The following EPHA5 variants were observed in gnomAD, a reference collection of about 807,000 sequenced individuals.
EPHA5 encodes ephrin type-A receptor 5.
A neutral mutation model predicts 105.0 loss-of-function variants in EPHA5; 60 were observed. The observed-to-expected ratio is 0.57, with a 90% CI of 0.46 to 0.71. The LOEUF (loss-of-function observed/expected upper bound fraction) is 0.71, where lower values mean the gene tolerates loss of function less well. EPHA5 is among the 30% of genes least tolerant of loss of function. The pLI is 0.00. For synonymous variants in EPHA5, 513 were observed against 449.1 expected (o/e 1.14, Z -1.80); for missense variants, 1,218 against 1,274.7 (o/e 0.96, Z 0.68).
At chr4:65,647,706 C>G (rs1748246505) in intron 1 of EPHA5, among the ~76,000 whole-genome samples, 1 of 152,020 alleles carries the variant, frequency 6.6e-6, no homozygotes, top group South Asian at 2.1e-4. Flanking sequence ...AAAATACAGT[C>G]ATACCATTCA....
chr4:65,465,485 AAG>A (rs1186001854), intron 5 of EPHA5, among the ~76,000 whole-genome samples: 6 of 111,330 alleles, frequency 5.4e-5, no homozygotes, highest in African/African-American at 1.3e-4. Flanking sequence ...GAAAGAAAGA[AAG>A]AAAGAAAGAA....
intron 16 of EPHA5, 76 bp from the exon 17 acceptor site, chr4:65,324,295 G>A: frequency 1.0e-6 from 1 of 977,936 alleles, no homozygotes; most frequent in Non-Finnish European, 1.6e-6. Context: ...TGGCAAAGGG[G>A]CAAACATAGT....
In EPHA5 at chr4:65,669,735, C is replaced by T. The variant is rs764460627; in HGVS notation, c.8G>A (p.Gly3Asp). MR[G>D]SGPRGAGRRR... ...GCGTCCCGCACCCCGGGGCCCCGAG[C>T]CCCGCATCTTCTCCGAGCCTCCTCC... The change falls in exon 1 of 17, where the codon GGC (glycine) becomes GAC (aspartate). Residue 3 changes from glycine (G) to aspartate (D), a missense_variant. This residue lies in a region of EPHA5 where 233 missense variants were observed against 227.5 expected (regional missense o/e 1.02). Coordinates refer to ENST00000613740, the MANE Select transcript of EPHA5 (RefSeq NM_001281766.3). 4.8e-6 allele frequency: 6 copies of T among 1,260,976 alleles called. No individual in the cohort carries two copies. The highest frequency in any genetic ancestry group is 6.0e-6 in the Non-Finnish European group (6 of 1,001,986). The allele number at this position is 1,260,976 out of a possible 1,614,324, so 78.1% of individuals were successfully genotyped here.
intron 2 of EPHA5, among the ~76,000 whole-genome samples, chr4:65,629,800 G>T (rs748664816): frequency 7.2e-5 from 11 of 152,064 alleles, no homozygotes; most frequent in Non-Finnish European, 1.3e-4. Context: ...CCCCTACCCA[G>T]CTAGAGCTGT....
chr4:65,669,539 G>T (rs762971646), intron 1 of EPHA5, 23 bp downstream of exon 1: 2 of 1,360,304 alleles, frequency 1.5e-6, no homozygotes, highest in East Asian at 2.8e-5. Flanking sequence ...AGGTCGCCAC[G>T]GTCCCCACCC....
intron 5 of EPHA5, among the ~76,000 whole-genome samples, chr4:65,449,186 A>T (rs1223901524): frequency 1.3e-5 from 2 of 152,206 alleles, no homozygotes; most frequent in African/African-American, 4.8e-5. Flanking sequence ...AACTATGACC[A>T]GGCAATTTGT....
intron 16 of EPHA5, among the ~76,000 whole-genome samples, chr4:65,326,144 A>G (rs2148783379): frequency 6.6e-6 from 1 of 150,744 alleles, no homozygotes; most frequent in Non-Finnish European, 1.5e-5. Context: ...CATTTAATAG[A>G]CATACATCCT....
At chr4:65,337,519 G>C (rs1721298461) in intron 14 of EPHA5, among the ~76,000 whole-genome samples, 1 of 152,054 alleles carries the variant, frequency 6.6e-6, no homozygotes, top group Admixed American at 6.6e-5. Context: ...ACCCAGTGCA[G>C]GGGCAGATGG....
intron 13 of EPHA5, 40 bp from the exon 14 acceptor site, chr4:65,348,243 C>A: frequency 6.4e-7 from 1 of 1,573,148 alleles, no homozygotes; most frequent in Non-Finnish European, 8.7e-7. Context: ...CTACATACTT[C>A]AAATGTGCCT....
At chr4:65,481,878 C>T (rs914246382) in intron 5 of EPHA5, among the ~76,000 whole-genome samples, 1 of 152,148 alleles carries the variant, frequency 6.6e-6, no homozygotes, top group African/African-American at 2.4e-5. Flanking sequence ...ATTAGTTGAC[C>T]AAAATCTGAA....
rs568335640 is a variant in EPHA5, at chr4:65,539,901, T to C, written c.911-44358A>G. Among the ~76,000 whole-genome samples, 9 of 151,624 alleles carry C rather than the reference T, an allele frequency of 5.9e-5. No homozygotes were observed. The East Asian group carries it at 1.7e-3, about 29-fold the overall frequency. ...CAATAAAATTCTAATGTACCTATATTATTATTATATTATGCACATATGTTA... is the reference window on the plus strand; with the variant it reads ...CAATAAAATTCTAATGTACCTATATCATTATTATATTATGCACATATGTTA... On this transcript the variant is annotated intron_variant, in intron 3 of 16. Coordinates refer to ENST00000613740, the MANE Select transcript of EPHA5 (RefSeq NM_001281766.3).
intron 5 of EPHA5, among the ~76,000 whole-genome samples, chr4:65,421,901 C>T (rs772509298): frequency 2.0e-5 from 3 of 152,030 alleles, no homozygotes; most frequent in Non-Finnish European, 4.4e-5. Flanking sequence ...GAATTTGTCT[C>T]ATAGGTGCAC....
intron 1 of EPHA5, among the ~76,000 whole-genome samples, chr4:65,659,918 A>G (rs1452024232): frequency 1.3e-5 from 2 of 152,152 alleles, no homozygotes; most frequent in African/African-American, 4.8e-5. Flanking sequence ...AGACATCTAC[A>G]TATTTCAAAC....
intron 3 of EPHA5, among the ~76,000 whole-genome samples, chr4:65,532,924 T>C (rs1406372892): frequency 1.3e-5 from 2 of 152,162 alleles, no homozygotes; most frequent in African/African-American, 4.8e-5. Flanking sequence ...CAATTTTCAA[T>C]TGTCTTTTCT....
intron 3 of EPHA5, among the ~76,000 whole-genome samples, chr4:65,529,562 A>C (rs901027633): frequency 7.9e-5 from 12 of 152,140 alleles, no homozygotes; most frequent in Non-Finnish European, 1.5e-4. Flanking sequence ...AAGACGGTAA[A>C]AACCCCTGGA....
At chr4:65,465,041 C>G (rs1728480150) in intron 5 of EPHA5, among the ~76,000 whole-genome samples, 1 of 151,922 alleles carries the variant, frequency 6.6e-6, no homozygotes, top group Non-Finnish European at 1.5e-5. Context: ...ATGAAATTTC[C>G]AGAAAATTGA....
At chr4:65,577,819 T>C (rs1009316514) in intron 3 of EPHA5, among the ~76,000 whole-genome samples, 1 of 152,118 alleles carries the variant, frequency 6.6e-6, no homozygotes, top group African/African-American at 2.4e-5. Flanking sequence ...GGAAAGTATG[T>C]ACTTAGCATC....
At chr4:65,502,813 T>A (rs1373095409) in intron 3 of EPHA5, among the ~76,000 whole-genome samples, 2 of 151,744 alleles carry the variant, frequency 1.3e-5, no homozygotes, top group Non-Finnish European at 3.0e-5. Context: ...AGTGCAGTAC[T>A]AATCAATATC....
intron 5 of EPHA5, among the ~76,000 whole-genome samples, chr4:65,421,725 A>G (rs1340239790): frequency 6.6e-6 from 1 of 152,090 alleles, no homozygotes; most frequent in Admixed American, 6.6e-5. Flanking sequence ...TTTAATATGT[A>G]TGCTTCATGA....
Sources: allele counts gnomAD v4.1 joint callset (sites outside exome capture counted in the v4.1 genomes callset), GRCh38; gene constraint gnomAD v4.1.1; regional missense constraint gnomAD v4.1.1; transcripts MANE v1.5; gene names NCBI Gene and HGNC (gene_info 2026-07-23, HGNC 2026-07-21).